CAST: variants seen among roughly 807,000 people sequenced by gnomAD.
CAST encodes calpastatin, also known as MIR583 host.
Under a neutral mutation model 119.6 loss-of-function variants are expected in CAST, and 76 were observed. That is an observed-to-expected ratio of 0.64 (90% CI 0.53 to 0.77). The LOEUF (loss-of-function observed/expected upper bound fraction) is 0.77. CAST is among the 30% of genes least tolerant of loss of function. The pLI is 0.00. For missense variants in CAST, 953 were observed against 946.5 expected, an observed-to-expected ratio of 1.01 and a Z score of -0.09; for synonymous variants, 319 against 331.6, an observed-to-expected ratio of 0.96 and a Z score of 0.41.
the CAST span, among the ~76,000 whole-genome samples, chr5:96,259,338 G>C: frequency 1.3e-5 from 2 of 152,212 alleles, no homozygotes; most frequent in Non-Finnish European, 2.9e-5. Flanking sequence ...GCACAGGAAG[G>C]ATTGGCAGGG....
chr5:96,684,983 T>A (rs1306411778), intron 2 of CAST, among the ~76,000 whole-genome samples: 1 of 146,490 alleles, frequency 6.8e-6, no homozygotes, highest in Non-Finnish European at 1.5e-5. Flanking sequence ...CAAAATGTTG[T>A]ATCATTGGAT....
At chr5:96,171,872 C>T in the CAST span, among the ~76,000 whole-genome samples, 15,636 of 152,272 alleles carry the variant, frequency 0.1, 985 homozygotes, top group East Asian at 0.21. Flanking sequence ...ATCTTTCTCA[C>T]GGAGCAAAGA....
the CAST span, among the ~76,000 whole-genome samples, chr5:96,288,657 C>T: frequency 1.3e-5 from 2 of 152,114 alleles, no homozygotes; most frequent in Admixed American, 6.5e-5. Flanking sequence ...AAACCTTAGA[C>T]ATATGACTAT....
At chr5:96,471,245 T>A in the CAST span, among the ~76,000 whole-genome samples, 1 of 152,130 alleles carries the variant, frequency 6.6e-6, no homozygotes, top group East Asian at 1.9e-4. Flanking sequence ...CCAAAATGTT[T>A]ACCAGAAAAT....
chr5:96,485,279 C>T, the CAST span, among the ~76,000 whole-genome samples: 1 of 152,150 alleles, frequency 6.6e-6, no homozygotes, highest in Admixed American at 6.5e-5. Flanking sequence ...GTTGACCAGT[C>T]AGATCATCAA....
chr5:96,607,193 C>T (rs949204515), intron 1 of CAST, among the ~76,000 whole-genome samples: 1 of 152,114 alleles, frequency 6.6e-6, no homozygotes, highest in Non-Finnish European at 1.5e-5. Flanking sequence ...GAGGCTGAGG[C>T]AGGAGAATGG....
At chr5:96,018,556 G>C in the CAST span, among the ~76,000 whole-genome samples, 2 of 152,158 alleles carry the variant, frequency 1.3e-5, no homozygotes, top group African/African-American at 4.8e-5. Flanking sequence ...GCTCCCATTG[G>C]TAAAACATTT....
chr5:96,738,708 G>A (rs950482548), intron 11 of CAST, among the ~76,000 whole-genome samples: 7 of 151,880 alleles, frequency 4.6e-5, no homozygotes, highest in Admixed American at 2.6e-4. Flanking sequence ...CGAGGCAGGC[G>A]GATCATCTGA....
chr5:96,258,010 T>C, the CAST span, among the ~76,000 whole-genome samples: 1 of 152,174 alleles, frequency 6.6e-6, no homozygotes, highest in South Asian at 2.1e-4. Context: ...AGGCTCAGCA[T>C]GGACCACCTT....
chr5:95,964,066 C>A, the CAST span, among the ~76,000 whole-genome samples: 4 of 152,122 alleles, frequency 2.6e-5, no homozygotes, highest in Non-Finnish European at 5.9e-5. Flanking sequence ...GGTAACAAAT[C>A]TTTCACGGAT....
chr5:96,240,502 A>T, the CAST span, among the ~76,000 whole-genome samples: 14 of 152,268 alleles, frequency 9.2e-5, no homozygotes, highest in Admixed American at 2.0e-4. Flanking sequence ...TCCCAGTTGA[A>T]ATCTTACTGC....
chr5:96,565,077 G>GGTGTGTGTGTGT (rs61240765), intron 1 of CAST, among the ~76,000 whole-genome samples: 12,566 of 148,644 alleles, frequency 0.085, 655 homozygotes, highest in Middle Eastern at 0.13. Context: ...ACATGGGAAA[G>GGTGTGTGTGTGT]GTGTGTGTGT....
intron 1 of CAST, among the ~76,000 whole-genome samples, chr5:96,590,131 C>T (rs566385404): frequency 1.3e-5 from 2 of 152,166 alleles, no homozygotes; most frequent in African/African-American, 4.8e-5. Context: ...TTTTTCAGAG[C>T]AAGTTGTATT....
chr5:96,298,746 C>G, the CAST span, among the ~76,000 whole-genome samples: 1 of 152,110 alleles, frequency 6.6e-6, no homozygotes, highest in Admixed American at 6.5e-5. Context: ...CCTTTTCCAT[C>G]GAAATTGAAA....
At chr5:96,053,644 C>A in the CAST span, among the ~76,000 whole-genome samples, 2 of 152,146 alleles carry the variant, frequency 1.3e-5, no homozygotes, top group African/African-American at 2.4e-5. Flanking sequence ...AGAGTATTAG[C>A]AAAATATCAG....
chr5:96,107,255 A>C, the CAST span, among the ~76,000 whole-genome samples: 6 of 151,428 alleles, frequency 4.0e-5, no homozygotes, highest in Non-Finnish European at 8.8e-5. Context: ...TGTGAATTTA[A>C]TCCTGTCATT....
the CAST span, among the ~76,000 whole-genome samples, chr5:96,277,097 T>G: frequency 6.6e-6 from 1 of 152,222 alleles, no homozygotes; most frequent in Non-Finnish European, 1.5e-5. Flanking sequence ...TTATGAACAT[T>G]TAGGTTATTT....
chr5:96,665,370 T>A (rs1163931566), intron 1 of CAST, among the ~76,000 whole-genome samples: 1 of 152,232 alleles, frequency 6.6e-6, no homozygotes, highest in East Asian at 1.9e-4. Context: ...TTGAGATATT[T>A]TACATTCTTT....
Position 96,664,213 on chromosome 5 carries a change from GT to G in CAST, c.75+1725del, listed in dbSNP as rs549605266. Among the ~76,000 whole-genome samples the G allele has an allele frequency of 1.5e-4, 22 of 148,818 alleles. No homozygotes were observed. In the South Asian group the frequency reaches 1.9e-3, roughly 13 times the overall value. ...GGCAGAATTATATCCCACAAGTAGT[GT>G]TTTTTTTTAGATTATTTTTTATTCT... On this transcript the variant is annotated intron_variant, in intron 1 of 31. Coordinates refer to ENST00000675179, the MANE Select transcript of CAST (RefSeq NM_001750.7).
Sources: gnomAD v4.1 joint callset for allele counts (sites outside exome capture counted in the v4.1 genomes callset) on GRCh38, gnomAD v4.1.1 for gene constraint, MANE v1.5 for transcripts, NCBI Gene and HGNC (gene_info 2026-07-23, HGNC 2026-07-21) for gene names.